Variants in FER1L6 observed in about 807,000 individuals in gnomAD.
FER1L6 encodes fer-1 like family member 6, also known as fer-1-like protein 6.
Under a neutral mutation model 219.2 loss-of-function variants are expected in FER1L6, and 177 were observed. The observed-to-expected ratio is 0.81, with a 90% CI of 0.71 to 0.91. FER1L6 has a LOEUF of 0.91. Among genes scored for constraint, FER1L6 ranks in the 40% least tolerant of loss-of-function variants. The probability of loss-of-function intolerance (pLI) is 0.00; values close to 1 mark genes in which losing one functional copy is unlikely to be tolerated. For missense variants in FER1L6, 2,153 were observed against 2,259.9 expected, an observed-to-expected ratio of 0.95 and a Z score of 0.96; for synonymous variants, 768 against 824.3, an observed-to-expected ratio of 0.93 and a Z score of 1.17.
At chr8:123,908,355 G>A (rs1358071540) in intron 1 of FER1L6, among the ~76,000 whole-genome samples, 1 of 152,182 alleles carries the variant, frequency 6.6e-6, no homozygotes, top group African/African-American at 2.4e-5. Context: ...AATTGGGAGT[G>A]GTATTGATTC....
intron 40 of FER1L6, among the ~76,000 whole-genome samples, chr8:124,119,242 C>T (rs547442835): frequency 1.2e-4 from 18 of 152,168 alleles, no homozygotes; most frequent in Non-Finnish European, 1.8e-4. Context: ...GTGAGTCAAG[C>T]GATGAATGAG....
In FER1L6 at chr8:123,980,656, CT is replaced by C; in HGVS notation, c.1256del (p.Leu419ArgfsTer72). The C allele has an allele frequency of 6.2e-7, 1 of 1,614,164 alleles. No individual in the cohort carries two copies. The highest frequency in any genetic ancestry group is 8.5e-7 in the Non-Finnish European group (1 of 1,180,024). On this transcript the variant is annotated frameshift_variant, in exon 11 of 41. Coordinates refer to ENST00000522917, the MANE Select transcript of FER1L6 (RefSeq NM_001039112.2). LOFTEE classifies it high-confidence loss of function. ...RAQESKFSKA[L>X]KELKLPSKDK... ...ACAGGAATCTAAATTTTCCAAGGCC[CT>C]GAAGGAGCTCAAGTTGCCTTCCAAG...
chr8:123,911,037 A>G (rs1443813047), intron 1 of FER1L6, among the ~76,000 whole-genome samples: 3 of 152,120 alleles, frequency 2.0e-5, no homozygotes, highest in African/African-American at 7.2e-5. Context: ...TGTAAAGGTG[A>G]TGGTTATCAT....
intron 17 of FER1L6, 53 bp from the exon 18 acceptor site, chr8:124,023,391 C>T (rs1818548957): frequency 1.3e-6 from 2 of 1,572,748 alleles, no homozygotes; most frequent in African/African-American, 1.4e-5. Flanking sequence ...TTGTTCAATG[C>T]CAACCTTTCA....
intron 17 of FER1L6, among the ~76,000 whole-genome samples, chr8:124,022,842 T>G (rs538484221): frequency 1.3e-5 from 2 of 152,150 alleles, no homozygotes; most frequent in African/African-American, 4.8e-5. Flanking sequence ...CTACCAAAGA[T>G]GCCAAATCAC....
In FER1L6 at chr8:124,049,597, T is replaced by C. The variant is rs138022043; in HGVS notation, c.2725-10T>C. 1.4e-5 allele frequency: 23 copies of C among 1,613,614 alleles called. No individual in the cohort carries two copies. Among genetic ancestry groups the C allele is most frequent in the Admixed American group, 8.3e-5 (5 of 60,012 alleles). ...TCAGGAAATACAAACTCATTTCTTT[T>C]CTTCTTTAGGGGAAGCCAGAATATT... On this transcript the variant is annotated splice_polypyrimidine_tract_variant and intron_variant, in intron 21 of 40. Transcript: ENST00000522917.
intron 3 of FER1L6, among the ~76,000 whole-genome samples, chr8:123,963,707 T>A (rs562111265): frequency 6.6e-6 from 1 of 152,350 alleles, no homozygotes; most frequent in East Asian, 1.9e-4. Context: ...TTACCTGCTC[T>A]TTGATTCATC....
At chr8:123,943,813 G>A (rs1814360505) in intron 1 of FER1L6, among the ~76,000 whole-genome samples, 1 of 152,088 alleles carries the variant, frequency 6.6e-6, no homozygotes, top group Non-Finnish European at 1.5e-5. Context: ...GGATGAGGAT[G>A]CAGACAGAGG....
intron 14 of FER1L6, among the ~76,000 whole-genome samples, chr8:124,012,315 C>T (rs1563742788): frequency 6.6e-6 from 1 of 152,250 alleles, no homozygotes; most frequent in Non-Finnish European, 1.5e-5. Flanking sequence ...GGGGTCACAG[C>T]ACATGGAGGT....
chr8:124,072,424 C>A (rs1481034987), intron 31 of FER1L6, among the ~76,000 whole-genome samples: 1 of 152,174 alleles, frequency 6.6e-6, no homozygotes, highest in African/African-American at 2.4e-5. Flanking sequence ...ACTGTATGAA[C>A]CCCAATGGTT....
chr8:124,005,559 G>C (rs534602505), intron 13 of FER1L6, among the ~76,000 whole-genome samples: 64 of 152,306 alleles, frequency 4.2e-4, no homozygotes, highest in African/African-American at 1.5e-3. Context: ...CCTCCCCCAA[G>C]CACTGATTGA....
chr8:124,011,517 T>C (rs1013617276), intron 14 of FER1L6, among the ~76,000 whole-genome samples: 3 of 151,964 alleles, frequency 2.0e-5, no homozygotes, highest in African/African-American at 7.3e-5. Flanking sequence ...CCCTGGCTAA[T>C]TTTTAAAATA....
rs756264747 is a variant in FER1L6, at chr8:124,049,619, T to C, written c.2737T>C (p.Tyr913His). Residue 913 changes from tyrosine to histidine, a missense_variant, in exon 22 of 41, where the codon TAT (tyrosine) becomes CAT (histidine). Physicochemically the swap from Tyr to His is moderately conservative, Grantham distance 83. Coordinates refer to ENST00000522917, the MANE Select transcript of FER1L6 (RefSeq NM_001039112.2). ...YDSDAVGKPE[Y>H]LGATVAAPVV... ...TTTTCTTCTTTAGGGGAAGCCAGAA[T>C]ATTTGGGTGCCACAGTGGCTGCTCC... 3 of 1,613,882 alleles carry C rather than the reference T, an allele frequency of 1.9e-6. No homozygotes were observed. In the South Asian group the frequency reaches 3.3e-5, roughly 18 times the overall value.
intron 31 of FER1L6, among the ~76,000 whole-genome samples, chr8:124,073,722 G>C (rs1028416840): frequency 2.0e-5 from 3 of 152,086 alleles, no homozygotes; most frequent in Non-Finnish European, 4.4e-5. Flanking sequence ...TGTCCTAGAG[G>C]TAAAGTAATG....
chr8:124,088,296 A>T (rs1483655625), intron 33 of FER1L6, among the ~76,000 whole-genome samples: 2 of 152,030 alleles, frequency 1.3e-5, no homozygotes, highest in Non-Finnish European at 1.5e-5. Context: ...GTCTCTCCCC[A>T]TGGCCACCAC....
chr8:123,994,832 T>C (rs568549376), intron 12 of FER1L6, among the ~76,000 whole-genome samples: 1 of 152,304 alleles, frequency 6.6e-6, no homozygotes, highest in African/African-American at 2.4e-5. Context: ...CCCTGTGAGG[T>C]AGGATCAGGA....
At chr8:124,006,364 T>A (rs1268328658) in intron 13 of FER1L6, among the ~76,000 whole-genome samples, 1 of 142,994 alleles carries the variant, frequency 7.0e-6, no homozygotes, top group Non-Finnish European at 1.5e-5. Context: ...CATGCTGGTA[T>A]TTTTTTTTGG....
At chr8:124,012,699 C>T (rs571429026) in intron 14 of FER1L6, among the ~76,000 whole-genome samples, 3 of 152,190 alleles carry the variant, frequency 2.0e-5, no homozygotes, top group Non-Finnish European at 4.4e-5. Context: ...AGCCCAAATC[C>T]TTAACTATGC....
At chr8:123,911,482 G>A (rs1813045856) in intron 1 of FER1L6, among the ~76,000 whole-genome samples, 1 of 152,146 alleles carries the variant, frequency 6.6e-6, no homozygotes, top group African/African-American at 2.4e-5. Flanking sequence ...CTTTACTCAT[G>A]AGAAACCCAA....
Sources: allele counts gnomAD v4.1 joint callset (sites outside exome capture counted in the v4.1 genomes callset), GRCh38; gene constraint gnomAD v4.1.1; transcripts MANE v1.5; gene names NCBI Gene and HGNC (gene_info 2026-07-23, HGNC 2026-07-21).